Variants in OPCML observed in about 807,000 individuals in gnomAD.
The protein encoded by OPCML is opioid-binding protein/cell adhesion molecule.
In OPCML, 13 loss-of-function variants were observed where a neutral mutation model predicts 37.8. That is an observed-to-expected ratio of 0.34 (90% CI 0.22 to 0.55). The LOEUF is 0.55. OPCML is among the 20% of genes least tolerant of loss of function. OPCML has a pLI of 0.91. For synonymous variants in OPCML, 176 were observed against 168.8 expected (o/e 1.04, Z -0.33); for missense variants, 341 against 435.6 (o/e 0.78, Z 1.93).
chr11:132,951,898 C>T (rs1945868454), intron 1 of OPCML, among the ~76,000 whole-genome samples: 1 of 152,134 alleles, frequency 6.6e-6, no homozygotes, highest in African/African-American at 2.4e-5. Flanking sequence ...TTTATTTTGC[C>T]CTGGAGGGGC....
intron 1 of OPCML, among the ~76,000 whole-genome samples, chr11:133,477,017 C>G (rs1172823877): frequency 6.6e-6 from 1 of 152,078 alleles, no homozygotes; most frequent in Non-Finnish European, 1.5e-5. Flanking sequence ...AAAACAGGAC[C>G]CTTGGGAAAT....
intron 1 of OPCML, among the ~76,000 whole-genome samples, chr11:133,022,392 G>A (rs936731821): frequency 6.6e-6 from 1 of 152,026 alleles, no homozygotes; most frequent in African/African-American, 2.4e-5. Context: ...ATATACAACT[G>A]CAGTTTCGTT....
intron 1 of OPCML, among the ~76,000 whole-genome samples, chr11:133,121,025 C>A (rs769742337): frequency 1.3e-5 from 2 of 152,140 alleles, no homozygotes; most frequent in African/African-American, 4.8e-5. Flanking sequence ...TGGGTTCAAG[C>A]GATTCTCATG....
chr11:133,293,133 T>C (rs976568585), intron 1 of OPCML, among the ~76,000 whole-genome samples: 1 of 152,116 alleles, frequency 6.6e-6, no homozygotes, highest in African/African-American at 2.4e-5. Flanking sequence ...TTGATTGTTT[T>C]TAGATCTGGG....
chr11:133,069,827 G>A (rs926323655), intron 1 of OPCML, among the ~76,000 whole-genome samples: 1 of 151,996 alleles, frequency 6.6e-6, no homozygotes, highest in African/African-American at 2.4e-5. Context: ...CTTTTTCATT[G>A]CCGAGCCTAA....
At chr11:132,897,193 G>A (rs1472167656) in intron 2 of OPCML, among the ~76,000 whole-genome samples, 1 of 152,204 alleles carries the variant, frequency 6.6e-6, no homozygotes, top group Non-Finnish European at 1.5e-5. Flanking sequence ...GCAGGGTGCT[G>A]TAGAAGAATC....
Position 133,123,005 on chromosome 11 carries a change from G to A in OPCML, c.62-179995C>T, listed in dbSNP as rs138121859. On this transcript the variant is annotated intron_variant, in intron 1 of 7. Transcript: ENST00000524381. ...ATAGATATTCTAAAATTCTCTCAGA[G>A]CCTTCTGAAAGCAGAAATAATGTTT... 1.2e-4 allele frequency among the ~76,000 whole-genome samples: 19 copies of A among 152,284 alleles called. No homozygotes were observed. The East Asian group carries it at 3.7e-3, about 29-fold the overall frequency.
chr11:132,501,983 G>T (rs1163999254), intron 4 of OPCML, among the ~76,000 whole-genome samples: 1 of 152,126 alleles, frequency 6.6e-6, no homozygotes, highest in Non-Finnish European at 1.5e-5. Context: ...AGAGGATATG[G>T]GGCACACCTG....
At chr11:133,129,400 C>T (rs538475092) in intron 1 of OPCML, among the ~76,000 whole-genome samples, 27 of 152,070 alleles carry the variant, frequency 1.8e-4, no homozygotes, top group African/African-American at 6.5e-4. Context: ...GTAGAGTACA[C>T]CGAAAGATTT....
chr11:132,808,828 G>A (rs368282280), intron 2 of OPCML, among the ~76,000 whole-genome samples: 1 of 152,280 alleles, frequency 6.6e-6, no homozygotes. Context: ...TCTCAAACCT[G>A]CATGGAGAAG....
intron 1 of OPCML, among the ~76,000 whole-genome samples, chr11:133,402,010 T>C: frequency 6.6e-6 from 1 of 152,210 alleles, no homozygotes; most frequent in East Asian, 1.9e-4. Flanking sequence ...ATAGTCTCCA[T>C]GAAGATATAA....
At chr11:132,716,460 T>C (rs1405084043) in intron 2 of OPCML, among the ~76,000 whole-genome samples, 1 of 151,440 alleles carries the variant, frequency 6.6e-6, no homozygotes, top group African/African-American at 2.4e-5. Flanking sequence ...CTATCATCTG[T>C]CTACCTACCA....
At chr11:132,588,044 T>C (rs1003099401) in intron 3 of OPCML, among the ~76,000 whole-genome samples, 1 of 152,158 alleles carries the variant, frequency 6.6e-6, no homozygotes, top group African/African-American at 2.4e-5. Context: ...TACATTATAG[T>C]TGCCACCAGG....
At chr11:132,714,187 C>T (rs140023224) in intron 2 of OPCML, among the ~76,000 whole-genome samples, 71 of 152,324 alleles carry the variant, frequency 4.7e-4, no homozygotes, top group African/African-American at 1.6e-3. Context: ...CTAGCTGGTA[C>T]TGTCACTGAA....
At chr11:133,167,023 A>G (rs955772266) in intron 1 of OPCML, among the ~76,000 whole-genome samples, 1 of 152,154 alleles carries the variant, frequency 6.6e-6, no homozygotes, top group African/African-American at 2.4e-5. Context: ...ACAATGAAAT[A>G]TCAGTGCCTA....
chr11:132,442,859 A>G (rs1172222691), intron 4 of OPCML, among the ~76,000 whole-genome samples: 2 of 152,066 alleles, frequency 1.3e-5, no homozygotes, highest in African/African-American at 4.8e-5. Flanking sequence ...GAGTCGATTA[A>G]ACCTCTTTGC....
chr11:132,467,860 C>T (rs1198007429), intron 4 of OPCML, among the ~76,000 whole-genome samples: 3 of 152,150 alleles, frequency 2.0e-5, no homozygotes, highest in African/African-American at 7.2e-5. Context: ...GTCTTCCAGC[C>T]ACTATTCAAG....
At chr11:132,458,902 A>C (rs1019493639) in intron 4 of OPCML, among the ~76,000 whole-genome samples, 6 of 152,152 alleles carry the variant, frequency 3.9e-5, no homozygotes, top group African/African-American at 1.4e-4. Flanking sequence ...GTTAGGAAAT[A>C]AAGCATTTAA....
In OPCML at chr11:133,384,965, A is replaced by G. The variant is rs554564164; in HGVS notation, c.61+147299T>C. On this transcript the variant is annotated intron_variant, in intron 1 of 7. Transcript: ENST00000524381. ...GGGGAGGCCAACACAGAGGCCGGCC[A>G]GATCCCAGGGTGGCCCCGAGGTCTC... 2.5e-3 allele frequency among the ~76,000 whole-genome samples: 380 copies of G among 152,364 alleles called. 2 individuals carry two copies. Among genetic ancestry groups the G allele is most frequent in the African/African-American group, 7.8e-3 (324 of 41,582 alleles).
Sources: gnomAD v4.1 joint callset for allele counts (sites outside exome capture counted in the v4.1 genomes callset) on GRCh38, gnomAD v4.1.1 for gene constraint, MANE v1.5 for transcripts, NCBI Gene and HGNC (gene_info 2026-07-23, HGNC 2026-07-21) for gene names.